DKK2: variants seen among roughly 807,000 people sequenced by gnomAD.
DKK2 encodes the protein dickkopf-related protein 2.
In DKK2, 11 loss-of-function variants were observed where a neutral mutation model predicts 28.1. The ratio of observed to expected loss-of-function variants is 0.39; its 90% CI spans 0.25 to 0.65. The LOEUF is 0.65. Ranked by LOEUF, DKK2 falls within the 30% of genes least tolerant of loss-of-function variation. The probability of loss-of-function intolerance (pLI) is 0.47; values close to 1 mark genes in which losing one functional copy is unlikely to be tolerated. For missense variants in DKK2, 326 were observed against 335.5 expected, an observed-to-expected ratio of 0.97 and a Z score of 0.22; for synonymous variants, 135 against 126.5, an observed-to-expected ratio of 1.07 and a Z score of -0.45.
At chr4:106,942,894 C>A (rs995048133) in intron 1 of DKK2, among the ~76,000 whole-genome samples, 1 of 152,002 alleles carries the variant, frequency 6.6e-6, no homozygotes, top group African/African-American at 2.4e-5. Flanking sequence ...TAAGACTACC[C>A]AGAAACATGT....
At chr4:106,939,016 G>A (rs1173762727) in intron 1 of DKK2, among the ~76,000 whole-genome samples, 1 of 151,928 alleles carries the variant, frequency 6.6e-6, no homozygotes, top group African/African-American at 2.4e-5. Context: ...TACTGAATGG[G>A]CAAAAACTGG....
intron 1 of DKK2, among the ~76,000 whole-genome samples, chr4:106,997,037 A>G (rs1723282082): frequency 6.6e-6 from 1 of 151,832 alleles, no homozygotes; most frequent in South Asian, 2.1e-4. Flanking sequence ...CCTTTAGAAC[A>G]CTCCTGGAGA....
At chr4:107,006,596 A>G (rs572179239) in intron 1 of DKK2, among the ~76,000 whole-genome samples, 1 of 152,314 alleles carries the variant, frequency 6.6e-6, no homozygotes, top group East Asian at 1.9e-4. Context: ...TAAATTCTAT[A>G]TGATTAATTT....
chr4:106,993,300 A>G (rs1319988742), intron 1 of DKK2, among the ~76,000 whole-genome samples: 3 of 152,360 alleles, frequency 2.0e-5, no homozygotes, highest in East Asian at 1.9e-4. Context: ...TCAAGAGATA[A>G]TATGTGTAAA....
chr4:106,938,112 T>TA (rs1243392323), intron 1 of DKK2, among the ~76,000 whole-genome samples: 1 of 144,686 alleles, frequency 6.9e-6, no homozygotes, highest in Non-Finnish European at 1.5e-5. Context: ...AAGAAATAAC[T>TA]AAAATCAGAG....
intron 1 of DKK2, among the ~76,000 whole-genome samples, chr4:106,963,963 G>A (rs1722730388): frequency 6.6e-6 from 1 of 152,038 alleles, no homozygotes; most frequent in Non-Finnish European, 1.5e-5. Flanking sequence ...GTATGTTCTT[G>A]ACAACTTTAT....
At chr4:106,988,434 T>G (rs1449969138) in intron 1 of DKK2, among the ~76,000 whole-genome samples, 1 of 152,202 alleles carries the variant, frequency 6.6e-6, no homozygotes, top group Non-Finnish European at 1.5e-5. Context: ...TTTGTTACAT[T>G]TAATCAGACA....
chr4:106,978,423 T>C (rs1050591319), intron 1 of DKK2, among the ~76,000 whole-genome samples: 5 of 152,128 alleles, frequency 3.3e-5, no homozygotes, highest in African/African-American at 1.2e-4. Context: ...TGCCTTTCTT[T>C]CATAGTTGCC....
intron 1 of DKK2, among the ~76,000 whole-genome samples, chr4:107,032,310 A>T (rs1723886937): frequency 3.9e-5 from 6 of 152,134 alleles, no homozygotes; most frequent in African/African-American, 1.4e-4. Flanking sequence ...ACCTCTGGAG[A>T]ACAGTGGATT....
At chr4:106,943,437 A>G (rs1724731057) in intron 1 of DKK2, among the ~76,000 whole-genome samples, 1 of 152,124 alleles carries the variant, frequency 6.6e-6, no homozygotes, top group African/African-American at 2.4e-5. Flanking sequence ...AAAATACTCA[A>G]TTAAGAACCC....
Position 106,924,715 on chromosome 4 carries a change from A to G in DKK2, c.374-15T>C. 6.2e-7 allele frequency: 1 copy of G among 1,611,006 alleles called. No individual in the cohort carries two copies. Among genetic ancestry groups the G allele is most frequent in the Non-Finnish European group, 8.5e-7 (1 of 1,178,312 alleles). ...GATACAGATGCCTGGAGATGATCATATAATCAGTTAGACTAATTCAATTCT... is the reference window on the plus strand; with the variant it reads ...GATACAGATGCCTGGAGATGATCATGTAATCAGTTAGACTAATTCAATTCT... On this transcript the variant is annotated splice_polypyrimidine_tract_variant and intron_variant, in intron 2 of 3. Coordinates refer to ENST00000285311, the MANE Select transcript of DKK2 (RefSeq NM_014421.3).
At chr4:106,990,022 T>C (rs1487014348) in intron 1 of DKK2, among the ~76,000 whole-genome samples, 2 of 152,302 alleles carry the variant, frequency 1.3e-5, no homozygotes, top group African/African-American at 4.8e-5. Flanking sequence ...TTTTTTATAT[T>C]GTCTTTGAAA....
chr4:107,027,234 T>G (rs1329681049), intron 1 of DKK2, among the ~76,000 whole-genome samples: 1 of 152,136 alleles, frequency 6.6e-6, no homozygotes, highest in Non-Finnish European at 1.5e-5. Flanking sequence ...AAACCATTAT[T>G]TGAATGTGAT....
intron 1 of DKK2, among the ~76,000 whole-genome samples, chr4:106,995,736 C>A (rs1578371986): frequency 6.6e-6 from 1 of 152,258 alleles, no homozygotes; most frequent in East Asian, 1.9e-4. Flanking sequence ...CCTCAGCCTC[C>A]CAAGTAGCTG....
chr4:107,001,664 A>C (rs1029105750), intron 1 of DKK2, among the ~76,000 whole-genome samples: 3 of 152,176 alleles, frequency 2.0e-5, no homozygotes, highest in Non-Finnish European at 4.4e-5. Flanking sequence ...GGTTATTCAC[A>C]GGTTTTAAAG....
At chr4:106,958,837 C>CAAAAAA (rs767389620) in intron 1 of DKK2, among the ~76,000 whole-genome samples, 1 of 66,984 alleles carries the variant, frequency 1.5e-5, no homozygotes, top group African/African-American at 4.5e-5. Context: ...AACTCAATCT[C>CAAAAAA]AAAAAAAAAA....
intron 1 of DKK2, among the ~76,000 whole-genome samples, chr4:106,986,539 A>C (rs1723122976): frequency 6.6e-6 from 1 of 152,228 alleles, no homozygotes; most frequent in Non-Finnish European, 1.5e-5. Flanking sequence ...AAAAGCTACA[A>C]ATTTTAATGC....
chr4:106,940,852 C>T lies in DKK2; in HGVS notation c.223-14903G>A, dbSNP rs1451593081. 3.9e-5 allele frequency among the ~76,000 whole-genome samples: 6 copies of T among 152,012 alleles called. No individual in the cohort carries two copies. The East Asian group carries it at 7.7e-4, about 20-fold the overall frequency. On this transcript the variant is annotated intron_variant, in intron 1 of 3. Coordinates refer to ENST00000285311, the MANE Select transcript of DKK2 (RefSeq NM_014421.3). ...GAAATCATCATTGTCAGTAAACTAT[C>T]GCAAGAACAAAAACCAAACACCGCA...
intron 1 of DKK2, among the ~76,000 whole-genome samples, chr4:107,009,948 A>G (rs547752791): frequency 6.6e-6 from 1 of 151,914 alleles, no homozygotes; most frequent in South Asian, 2.1e-4. Context: ...GCCCCAGGTG[A>G]CTGTGCCTCA....
Sources: allele counts gnomAD v4.1 joint callset (sites outside exome capture counted in the v4.1 genomes callset), GRCh38; gene constraint gnomAD v4.1.1; transcripts MANE v1.5; gene names NCBI Gene and HGNC (gene_info 2026-07-23, HGNC 2026-07-21).